The following SPAG6 variants were observed in gnomAD, a reference collection of about 807,000 sequenced individuals.
SPAG6 encodes sperm-associated antigen 6.
SPAG6 carries 49 observed loss-of-function variants against 58.5 expected under a neutral mutation model. That is an observed-to-expected ratio of 0.84 (90% CI 0.67 to 1.06). SPAG6 has a LOEUF of 1.06. Ranked by LOEUF, SPAG6 falls within the 50% of genes least tolerant of loss-of-function variation. The pLI, the probability that SPAG6 is intolerant of heterozygous loss-of-function variation, is 0.00. For synonymous variants in SPAG6, 233 were observed against 225.6 expected (o/e 1.03, Z -0.29); for missense variants, 560 against 611.3 (o/e 0.92, Z 0.89).
chr10:22,386,893 A>G lies in SPAG6; in HGVS notation c.612A>G (p.Thr204=), dbSNP rs1355092600. The change falls in exon 5 of 11, where the codon ACA becomes ACG. Residue 204 remains threonine, a synonymous_variant. Coordinates refer to ENST00000376624, the MANE Select transcript of SPAG6 (RefSeq NM_012443.4). ...AGCATTCTCCAGAGTTAGCACAGAC[A>G]GTAGTGGATGCAGGAGCTGTTGCTC... ...IAKHSPELAQ[T]VVDAGAVAHL... 4 of 1,613,822 alleles carry G rather than the reference A, an allele frequency of 2.5e-6. No individual in the cohort carries two copies. The Admixed American group carries it at 6.7e-5, about 27-fold the overall frequency.
intron 2 of SPAG6, among the ~76,000 whole-genome samples, chr10:22,364,510 C>A (rs1359276158): frequency 6.6e-6 from 1 of 152,116 alleles, no homozygotes; most frequent in Non-Finnish European, 1.5e-5. Context: ...GAAGCCCTAT[C>A]TTTTTTGTGT....
chr10:22,347,648 C>T (rs1222630176), intron 2 of SPAG6, among the ~76,000 whole-genome samples: 1 of 152,106 alleles, frequency 6.6e-6, no homozygotes, highest in African/African-American at 2.4e-5. Flanking sequence ...TGAGTAGTGG[C>T]AGGTTAGCTC....
intron 2 of SPAG6, among the ~76,000 whole-genome samples, chr10:22,349,438 C>A (rs1365120047): frequency 2.6e-5 from 4 of 152,122 alleles, no homozygotes; most frequent in African/African-American, 2.4e-5. Flanking sequence ...TACATTGTTA[C>A]TTCTACCAAT....
In SPAG6 at chr10:22,416,605, A is replaced by AT. The variant is rs1307717583; in HGVS notation, c.1461-10dup. ...TCGTTTCACCAGCATTTAATAGTGT[A>AT]TTTTCTTTTTCAGGTATTATTCCCC... On this transcript the variant is annotated splice_polypyrimidine_tract_variant and intron_variant, in intron 10 of 10. Coordinates refer to ENST00000376624, the MANE Select transcript of SPAG6 (RefSeq NM_012443.4). The AT allele has an allele frequency of 1.7e-5, 27 of 1,553,298 alleles. No individual in the cohort carries two copies. The East Asian group carries it at 6.1e-4, about 35-fold the overall frequency.
At chr10:22,376,798 T>C (rs1833825097) in intron 4 of SPAG6, among the ~76,000 whole-genome samples, 1 of 151,926 alleles carries the variant, frequency 6.6e-6, no homozygotes, top group African/African-American at 2.4e-5. Context: ...TTATAAAAGA[T>C]AAGAGGCCAG....
intron 2 of SPAG6, chr10:22,359,380 A>C: frequency 2.9e-6 from 1 of 348,790 alleles, no homozygotes; most frequent in South Asian, 1.2e-4. Context: ...AATATCTAAC[A>C]TATTTTATAA....
rs1280892025 is a variant in SPAG6, at chr10:22,379,305, T to G, written c.473-7449T>G. Among the ~76,000 whole-genome samples the G allele has an allele frequency of 2.0e-5, 3 of 152,204 alleles. No homozygotes were observed. In the East Asian group the frequency reaches 5.8e-4, roughly 29 times the overall value. On this transcript the variant is annotated intron_variant, in intron 4 of 10. Transcript: ENST00000376624. The stretch of plus-strand genomic sequence containing the variant: ...AAGCTTTTTGTGGTAGCAGCCTCCA[T>G]GATGCCTGCCTCCTCTTATTCACAT...
At chr10:22,377,955 C>G (rs1387577943) in intron 4 of SPAG6, among the ~76,000 whole-genome samples, 1 of 150,326 alleles carries the variant, frequency 6.7e-6, no homozygotes, top group Admixed American at 6.6e-5. Context: ...GTTTTTAAAA[C>G]TGTTTCTATT....
chr10:22,403,983 T>A (rs1352394535), intron 9 of SPAG6, among the ~76,000 whole-genome samples: 1 of 148,974 alleles, frequency 6.7e-6, no homozygotes, highest in Admixed American at 6.7e-5. Flanking sequence ...GATGGGGTTG[T>A]TTGTTTTTTT....
At chr10:22,399,434 T>A (rs901795295) in intron 8 of SPAG6, among the ~76,000 whole-genome samples, 4 of 152,236 alleles carry the variant, frequency 2.6e-5, no homozygotes, top group Admixed American at 2.6e-4. Flanking sequence ...GTGCCTGGCC[T>A]CTTTCACTAA....
chr10:22,370,671 GT>G (rs1833663291), intron 4 of SPAG6, among the ~76,000 whole-genome samples: 1 of 152,128 alleles, frequency 6.6e-6, no homozygotes. Context: ...GACAACTCTT[GT>G]CATGCTTAGA....
intron 2 of SPAG6, among the ~76,000 whole-genome samples, chr10:22,359,238 CTTG>C (rs766165967): frequency 2.0e-5 from 3 of 152,220 alleles, no homozygotes; most frequent in East Asian, 3.9e-4. Flanking sequence ...GCAAAAATCA[CTTG>C]TTGTAAAACT....
At chr10:22,346,031 T>C (rs1836517336) in intron 2 of SPAG6, 1 of 1,542,576 alleles carries the variant, frequency 6.5e-7, no homozygotes, top group Non-Finnish European at 8.8e-7. Context: ...CCTGTTTCCA[T>C]CTTCATTGCA....
At chr10:22,389,777 T>G (rs1224097093) in intron 7 of SPAG6, among the ~76,000 whole-genome samples, 2 of 152,214 alleles carry the variant, frequency 1.3e-5, no homozygotes, top group African/African-American at 2.4e-5. Context: ...CTTCAGCTTT[T>G]ATTAACTATT....
At chr10:22,382,982 A>G (rs1175859100) in intron 4 of SPAG6, among the ~76,000 whole-genome samples, 1 of 152,240 alleles carries the variant, frequency 6.6e-6, no homozygotes, top group Admixed American at 6.5e-5. Context: ...AGACATAGGT[A>G]TAACCAGTTT....
At chr10:22,358,719 A>G (rs1288177578) in intron 2 of SPAG6, among the ~76,000 whole-genome samples, 1 of 152,080 alleles carries the variant, frequency 6.6e-6, no homozygotes, top group Non-Finnish European at 1.5e-5. Flanking sequence ...TTTTAGGTCT[A>G]ACGTTTAAGT....
At position 22,415,015 on chromosome 10, in the gene SPAG6, C is replaced by T. The variant is rs1380452237; in HGVS notation, c.1461-1604C>T. 3.9e-5 allele frequency among the ~76,000 whole-genome samples: 6 copies of T among 152,180 alleles called. 1 individual carries two copies. Among genetic ancestry groups the T allele is most frequent in the Non-Finnish European group, 8.8e-5 (6 of 68,038 alleles). On this transcript the variant is annotated intron_variant, in intron 10 of 10. Coordinates refer to ENST00000376624, the MANE Select transcript of SPAG6 (RefSeq NM_012443.4). ...TCCTGACCTCAGGTGTTCCACCCTC[C>T]TCAGCCTCCCAAAGTGCTGGGATTA...
intron 5 of SPAG6, 69 bp downstream of exon 5, chr10:22,387,028 G>C: frequency 8.5e-7 from 1 of 1,180,420 alleles, no homozygotes; most frequent in South Asian, 1.3e-5. Flanking sequence ...ATGTGTACAC[G>C]TGAATATTTT....
rs747262058 is a variant in SPAG6 at position 22,391,772 on chromosome 10, A to T, written c.1049A>T (p.Asp350Val). ...LSVCLSEEPE[D>V]HIKAAAAWAL... ...GTCTGCTTGTCAGAAGAACCGGAAGATCATATTAAGGCTGCAGCTGCTTGG... is the reference window on the plus strand; with the variant it reads ...GTCTGCTTGTCAGAAGAACCGGAAGTTCATATTAAGGCTGCAGCTGCTTGG... Residue 350 changes from aspartate (D) to valine (V), a missense_variant, in exon 8 of 11, where the codon GAT becomes GTT. Coordinates refer to ENST00000376624, the MANE Select transcript of SPAG6 (RefSeq NM_012443.4). 1.2e-6 allele frequency: 2 copies of T among 1,613,462 alleles called. No homozygotes were observed. Among genetic ancestry groups the T allele is most frequent in the African/African-American group, 2.7e-5 (2 of 74,838 alleles).
Sources: allele counts gnomAD v4.1 joint callset (sites outside exome capture counted in the v4.1 genomes callset), GRCh38; gene constraint gnomAD v4.1.1; transcripts MANE v1.5; gene names NCBI Gene and HGNC (gene_info 2026-07-23, HGNC 2026-07-21).